The following VBP1 variants were observed in gnomAD, a reference collection of about 807,000 sequenced individuals.
The protein encoded by VBP1 is prefoldin subunit 3.
Under a neutral mutation model 15.5 loss-of-function variants are expected in VBP1, and 4 were observed. The ratio of observed to expected loss-of-function variants is 0.26; its 90% CI spans 0.13 to 0.59. The LOEUF is 0.59. VBP1 is among the 20% of genes least tolerant of loss of function. VBP1 has a pLI of 0.90. For missense variants in VBP1, 108 were observed against 139.6 expected (o/e 0.77, Z 1.14); for synonymous variants, 61 against 52.1 (o/e 1.17, Z -0.74).
chrX:155,234,127 T>G (rs1015530317), intron 4 of VBP1, among the ~76,000 whole-genome samples: 5 of 89,964 alleles, frequency 5.6e-5, no homozygotes, highest in Non-Finnish European at 8.7e-5. Flanking sequence ...TTTTTTTTTT[T>G]TTTTTTTTTT....
chrX:155,239,707 G>A lies in VBP1; in HGVS notation c.*865G>A, dbSNP rs1315101230. On this transcript the variant is annotated 3_prime_UTR_variant, in exon 6 of 6. Coordinates refer to ENST00000286428, the MANE Select transcript of VBP1 (RefSeq NM_003372.7). ...ACATTGACCAGCGCTGGGTGATACAGATTCTGATAAAAACATAAATGTATT... is the reference window on the plus strand; with the variant it reads ...ACATTGACCAGCGCTGGGTGATACAAATTCTGATAAAAACATAAATGTATT... The A allele has an allele frequency of 2.7e-5, 3 of 112,287 alleles. No homozygotes were observed. Among genetic ancestry groups the A allele is most frequent in the Admixed American group, 9.4e-5 (1 of 10,672 alleles). 9.3% of individuals were successfully genotyped at this position (112,287 alleles called of 1,213,427 possible).
chrX:155,228,497 T>C lies in VBP1; in HGVS notation c.384+15T>C, dbSNP rs2074730386. Reference sequence around the variant, plus strand: ...TGTGGTTGGGGGTAAGTAAATGTTATAGCCACAGCTGATATATTTGTAAAC... The same window carrying C: ...TGTGGTTGGGGGTAAGTAAATGTTACAGCCACAGCTGATATATTTGTAAAC... On this transcript the variant is annotated intron_variant, in intron 4 of 5. Transcript: ENST00000286428. 2 of 1,139,781 alleles carry C rather than the reference T, an allele frequency of 1.8e-6. No individual in the cohort carries two copies. The highest frequency in any genetic ancestry group is 2.3e-5 in the Admixed American group (1 of 43,615). 93.9% of individuals were successfully genotyped at this position (1,139,781 alleles called of 1,213,427 possible).
At chrX:155,223,302 T>A (rs1011407654) in intron 2 of VBP1, among the ~76,000 whole-genome samples, 13 of 107,460 alleles carry the variant, frequency 1.2e-4, no homozygotes, top group Non-Finnish European at 2.5e-4. Context: ...CAGGTAAACA[T>A]GTGAACAAAG....
At chrX:155,200,823 T>C (rs1429402505) in intron 1 of VBP1, among the ~76,000 whole-genome samples, 1 of 110,726 alleles carries the variant, frequency 9.0e-6, no homozygotes. Flanking sequence ...ATCCAGGAGA[T>C]GGTTTTTTGA....
upstream of VBP1, among the ~76,000 whole-genome samples, chrX:155,212,757 C>A (rs905269352): frequency 9.0e-6 from 1 of 111,642 alleles, no homozygotes; most frequent in African/African-American, 3.3e-5. Flanking sequence ...CTGGGAGTCC[C>A]CAGGGCCATC....
chrX:155,217,469 C>A (rs1557309152), intron 1 of VBP1, among the ~76,000 whole-genome samples: 1 of 112,998 alleles, frequency 8.8e-6, no homozygotes, highest in Admixed American at 9.3e-5. Flanking sequence ...ATAAAATCTT[C>A]ATGGAAGTTT....
chrX:155,205,376 C>A (rs937902185), intron 1 of VBP1, among the ~76,000 whole-genome samples: 1 of 111,820 alleles, frequency 8.9e-6, no homozygotes, highest in East Asian at 2.8e-4. Context: ...CAAAGCTGTT[C>A]TACTTGCAGC....
At chrX:155,230,686 C>CT (rs1163342396) in intron 4 of VBP1, among the ~76,000 whole-genome samples, 95 of 103,948 alleles carry the variant, frequency 9.1e-4, no homozygotes, top group Non-Finnish European at 9.7e-4. Context: ...TTACTTCTCT[C>CT]TTTTTTTTTT....
chrX:155,236,158 G>T, intron 4 of VBP1, 71 bp from the exon 5 acceptor site: 1 of 1,100,532 alleles, frequency 9.1e-7, no homozygotes, highest in Non-Finnish European at 1.2e-6. Context: ...GCTGTAGTTT[G>T]CCCACACTTT....
intron 3 of VBP1, 69 bp from the exon 4 acceptor site, chrX:155,228,315 C>A (rs2074728293): frequency 1.2e-6 from 1 of 845,131 alleles, no homozygotes; most frequent in Non-Finnish European, 1.7e-6. Context: ...ACTGTGCAAT[C>A]TCTCCTTTAT....
chrX:155,234,783 A>T (rs1557311342), intron 4 of VBP1, among the ~76,000 whole-genome samples: 1 of 112,017 alleles, frequency 8.9e-6, no homozygotes, highest in Non-Finnish European at 1.9e-5. Context: ...TGATAAGTAG[A>T]TTGCCTTAAG....
At chrX:155,238,718 T>C (rs782309350) in intron 5 of VBP1, 54 bp from the exon 6 acceptor site, 1 of 988,611 alleles carries the variant, frequency 1.0e-6, no homozygotes, top group African/African-American at 1.9e-5. Context: ...TACTTAGTCA[T>C]TGCATGCATT....
At chrX:155,213,554 G>C (rs1431241147), upstream of VBP1, 1 of 126,204 alleles carries the variant, frequency 7.9e-6, no homozygotes, top group Non-Finnish European at 1.7e-5. Flanking sequence ...GACTCCAATT[G>C]TATGTCACAT....
chrX:155,228,588 T>G, intron 4 of VBP1, 106 bp downstream of exon 4: 1 of 622,313 alleles, frequency 1.6e-6, no homozygotes, highest in East Asian at 3.4e-5. Flanking sequence ...GTAGTATTGC[T>G]CGAGATATGT....
chrX:155,238,093 G>C (rs782184389), intron 5 of VBP1, among the ~76,000 whole-genome samples: 8 of 112,063 alleles, frequency 7.1e-5, no homozygotes, highest in African/African-American at 2.6e-4. Context: ...GATGGGTACA[G>C]GAGCCAAAAG....
upstream of VBP1, among the ~76,000 whole-genome samples, chrX:155,212,372 G>A (rs192472845): frequency 9.0e-5 from 10 of 111,651 alleles, no homozygotes; most frequent in East Asian, 2.5e-3. Flanking sequence ...GGGGGCAGAG[G>A]GATTTGGAGG....
chrX:155,236,991 A>C lies in VBP1; in HGVS notation c.523+624A>C, dbSNP rs140332126. Among the ~76,000 whole-genome samples, 387 of 112,624 alleles carry C rather than the reference A, an allele frequency of 3.4e-3. 2 individuals carry two copies. The highest frequency in any genetic ancestry group is 0.011 in the African/African-American group (353 of 30,993). Reference sequence around the variant, plus strand: ...GCTGAATGATAATTCATAGCAAACTATAAGTAAGTTAACATATGCAACACC... The same window carrying C: ...GCTGAATGATAATTCATAGCAAACTCTAAGTAAGTTAACATATGCAACACC... On this transcript the variant is annotated intron_variant, in intron 5 of 5. Transcript: ENST00000286428.
At chrX:155,209,141 A>T (rs1383871750) in intron 2 of VBP1, among the ~76,000 whole-genome samples, 2 of 112,570 alleles carry the variant, frequency 1.8e-5, no homozygotes, top group Non-Finnish European at 3.7e-5. Context: ...CATCATAGAA[A>T]GACACAGAAC....
At chrX:155,225,118 C>G (rs2074713356) in intron 2 of VBP1, among the ~76,000 whole-genome samples, 1 of 111,541 alleles carries the variant, frequency 9.0e-6, no homozygotes, top group African/African-American at 3.3e-5. Context: ...AATTTATTGT[C>G]TTTATTTATT....
Sources: gnomAD v4.1 joint callset for allele counts (sites outside exome capture counted in the v4.1 genomes callset) on GRCh38, gnomAD v4.1.1 for gene constraint, MANE v1.5 for transcripts, NCBI Gene and HGNC (gene_info 2026-07-23, HGNC 2026-07-21) for gene names.